GALNT14: variants seen among roughly 807,000 people sequenced by gnomAD.
GALNT14 encodes the protein polypeptide N-acetylgalactosaminyltransferase 14.
Under a neutral mutation model 77.5 loss-of-function variants are expected in GALNT14, and 60 were observed. The observed-to-expected ratio is 0.77, with a 90% confidence interval of 0.63 to 0.96. The LOEUF (loss-of-function observed/expected upper bound fraction) is 0.96, where lower values mean the gene tolerates loss of function less well. Among genes scored for constraint, GALNT14 ranks in the 40% least tolerant of loss-of-function variants. The pLI, the probability that GALNT14 is intolerant of heterozygous loss-of-function variation, is 0.00. For synonymous variants in GALNT14, 280 were observed against 281.7 expected, an observed-to-expected ratio of 0.99 and a Z score of 0.06; for missense variants, 710 against 731.0, an observed-to-expected ratio of 0.97 and a Z score of 0.33.
the GALNT14 span, among the ~76,000 whole-genome samples, chr2:30,889,985 A>T: frequency 6.6e-6 from 1 of 152,186 alleles, no homozygotes; most frequent in African/African-American, 2.4e-5. Context: ...GTCTTGGAGC[A>T]AATGTCTCAG....
intron 3 of GALNT14, among the ~76,000 whole-genome samples, chr2:30,965,852 C>T (rs1376258293): frequency 6.6e-6 from 1 of 152,098 alleles, no homozygotes; most frequent in East Asian, 1.9e-4. Flanking sequence ...CTCAGCCTTT[C>T]AGGGCCTCAG....
At chr2:30,911,274 A>G (rs1021013802) in intron 14 of GALNT14, among the ~76,000 whole-genome samples, 3 of 152,156 alleles carry the variant, frequency 2.0e-5, no homozygotes, top group Non-Finnish European at 1.5e-5. Context: ...AGCAAAATCA[A>G]TATGTTTACT....
At chr2:31,114,518 A>G (rs547129236) in intron 1 of GALNT14, among the ~76,000 whole-genome samples, 161 of 152,354 alleles carry the variant, frequency 1.1e-3, no homozygotes, top group African/African-American at 3.8e-3. Flanking sequence ...GATGAAAAGG[A>G]TGGTTGCTGT....
chr2:30,919,497 G>T (rs1664904772), intron 13 of GALNT14, among the ~76,000 whole-genome samples: 1 of 152,206 alleles, frequency 6.6e-6, no homozygotes, highest in African/African-American at 2.4e-5. Flanking sequence ...AGCTAAAGCT[G>T]AACTCAGCCC....
chr2:31,097,231 G>C (rs1244648920), intron 1 of GALNT14, among the ~76,000 whole-genome samples: 1 of 152,098 alleles, frequency 6.6e-6, no homozygotes, highest in African/African-American at 2.4e-5. Flanking sequence ...AAACAAGGAA[G>C]GAGAAAAGAG....
chr2:31,103,507 A>ACACACACACACC (rs1449995686), intron 1 of GALNT14, among the ~76,000 whole-genome samples: 1 of 151,970 alleles, frequency 6.6e-6, no homozygotes, highest in African/African-American at 2.4e-5. Context: ...ACACACACAC[A>ACACACACACACC]CATTACATAG....
chr2:30,996,966 A>G (rs1044016030), intron 1 of GALNT14, among the ~76,000 whole-genome samples: 1 of 152,242 alleles, frequency 6.6e-6, no homozygotes, highest in Admixed American at 6.5e-5. Context: ...TACATAAAGA[A>G]TAAATAAAAT....
At chr2:30,920,451 G>A (rs1008740471) in intron 13 of GALNT14, among the ~76,000 whole-genome samples, 4 of 152,126 alleles carry the variant, frequency 2.6e-5, no homozygotes, top group African/African-American at 4.8e-5. Flanking sequence ...ACAAGTAGGA[G>A]GACAGAGGTA....
At chr2:30,989,560 T>TATATA (rs1669525579) in intron 2 of GALNT14, among the ~76,000 whole-genome samples, 1 of 87,108 alleles carries the variant, frequency 1.1e-5, no homozygotes, top group African/African-American at 5.4e-5. Context: ...GGTAAATACC[T>TATATA]TATATATATA....
At position 30,979,289 on chromosome 2, in the gene GALNT14, A is replaced by G. The variant is rs76707241; in HGVS notation, c.300-12987T>C. On this transcript the variant is annotated intron_variant, in intron 2 of 14. Transcript: ENST00000349752. ...ATCTCAGAGGAGACAACAAAATGGG[A>G]GTGGGGGGAGAGCAGGATGATGCCA... Among the ~76,000 whole-genome samples the G allele has an allele frequency of 3.7e-3, 566 of 152,228 alleles. 1 individual carries two copies. Among genetic ancestry groups the G allele is most frequent in the African/African-American group, 0.013 (537 of 41,522 alleles).
chr2:31,120,510 CT>C (rs918582678), intron 1 of GALNT14, among the ~76,000 whole-genome samples: 5 of 152,136 alleles, frequency 3.3e-5, no homozygotes. Context: ...CTCTCTACAA[CT>C]TTTTTCAACG....
intron 3 of GALNT14, among the ~76,000 whole-genome samples, chr2:30,963,551 G>A (rs975612116): frequency 6.6e-6 from 1 of 152,220 alleles, no homozygotes; most frequent in African/African-American, 2.4e-5. Flanking sequence ...CACTGTTAGG[G>A]AGGCCTGGGG....
At chr2:30,963,429 G>A (rs1307121165) in intron 3 of GALNT14, among the ~76,000 whole-genome samples, 5 of 152,216 alleles carry the variant, frequency 3.3e-5, no homozygotes, top group African/African-American at 7.2e-5. Flanking sequence ...ATTTAACACG[G>A]TAATCTTATT....
At chr2:30,970,493 G>T (rs962723604) in intron 2 of GALNT14, among the ~76,000 whole-genome samples, 2 of 152,110 alleles carry the variant, frequency 1.3e-5, no homozygotes, top group Non-Finnish European at 1.5e-5. Context: ...CTATCATCAC[G>T]CCCAGAGAGT....
intron 1 of GALNT14, among the ~76,000 whole-genome samples, chr2:31,130,304 G>A (rs1463510917): frequency 6.6e-6 from 1 of 152,170 alleles, no homozygotes; most frequent in Non-Finnish European, 1.5e-5. Flanking sequence ...CTAGCTTTGT[G>A]TCCAGAGCGG....
intron 1 of GALNT14, among the ~76,000 whole-genome samples, chr2:31,035,136 T>G (rs1362246694): frequency 6.6e-6 from 1 of 152,232 alleles, no homozygotes; most frequent in Non-Finnish European, 1.5e-5. Flanking sequence ...TCAAGTAGTT[T>G]GTAGTATTAC....
chr2:31,115,013 G>A (rs577134063), intron 1 of GALNT14, among the ~76,000 whole-genome samples: 108 of 152,190 alleles, frequency 7.1e-4, no homozygotes, highest in African/African-American at 1.9e-3. Flanking sequence ...TTAGGAGGCC[G>A]AGGCAGGAGG....
chr2:31,008,996 T>C (rs1334013423), intron 1 of GALNT14, among the ~76,000 whole-genome samples: 2 of 152,160 alleles, frequency 1.3e-5, no homozygotes, highest in Non-Finnish European at 2.9e-5. Flanking sequence ...GAAACTTGCA[T>C]CTGGCTTAGC....
chr2:30,988,795 G>A (rs73923339), intron 2 of GALNT14, among the ~76,000 whole-genome samples: 7,478 of 152,260 alleles, frequency 0.049, 603 homozygotes, highest in African/African-American at 0.17. Flanking sequence ...CACCCCCAGA[G>A]TTTCTGATCC....
Sources: gnomAD v4.1 joint callset for allele counts (sites outside exome capture counted in the v4.1 genomes callset) on GRCh38, gnomAD v4.1.1 for gene constraint, MANE v1.5 for transcripts, NCBI Gene and HGNC (gene_info 2026-07-23, HGNC 2026-07-21) for gene names.